The following MISP variants were observed in gnomAD, a reference collection of about 807,000 sequenced individuals.
The protein encoded by MISP is mitotic interactor and substrate of PLK1.
Under a neutral mutation model 49.3 loss-of-function variants are expected in MISP, and 51 were observed. The observed-to-expected ratio is 1.03, with a 90% CI of 0.83 to 1.31. The LOEUF (loss-of-function observed/expected upper bound fraction) is 1.31, where lower values mean the gene tolerates loss of function less well. Among genes scored for constraint, MISP ranks in the 50% most tolerant of loss-of-function variants. The pLI, the probability that MISP is intolerant of heterozygous loss-of-function variation, is 0.00. For missense variants in MISP, 1,084 were observed against 935.1 expected (o/e 1.16, Z -2.08); for synonymous variants, 444 against 392.6 (o/e 1.13, Z -1.55).
Position 758,302 on chromosome 19 carries a change from A to G in MISP, c.1356A>G (p.Thr452=). 2.5e-6 allele frequency: 4 copies of G among 1,614,042 alleles called. No homozygotes were observed. The highest frequency in any genetic ancestry group is 1.1e-5 in the South Asian group (1 of 91,088). ...TCGGCAAGCCCAGCAGTCTCTCCAC[A>G]GCGGAGGCCAAGGCTGCGACTTCAC... The part of the protein sequence containing the change: ...GAFGKPSSLS[T]AEAKAATSPK... Residue 452 remains threonine, a synonymous_variant, in exon 2 of 5, where the codon ACA becomes ACG. Transcript: ENST00000215582.
At chr19:759,863 G>A (rs773265063) in intron 2 of MISP, 46 bp from the exon 3 acceptor site, 13 of 1,610,296 alleles carry the variant, frequency 8.1e-6, no homozygotes, top group South Asian at 1.1e-5. Flanking sequence ...CCCGAGCAGA[G>A]GTCTGACAAA....
Position 757,084 on chromosome 19 carries a change from T to G in MISP, c.138T>G (p.Asp46Glu). The change falls in exon 2 of 5, where the codon GAT becomes GAG. Residue 46 changes from aspartate (D) to glutamate (E), a missense_variant. Transcript: ENST00000215582. ...CCGAGGCCAGCGGCTGGGGCCAGGATGAGCCGCAGACATGGCCCACTGACC... is the reference window on the plus strand; with the variant it reads ...CCGAGGCCAGCGGCTGGGGCCAGGAGGAGCCGCAGACATGGCCCACTGACC... Reference protein sequence around the residue: ...MGPEASGWGQDEPQTWPTDHR... With the variant: ...MGPEASGWGQEEPQTWPTDHR... 1.9e-6 allele frequency: 3 copies of G among 1,612,796 alleles called. No homozygotes were observed. The highest frequency in any genetic ancestry group is 2.5e-6 in the Non-Finnish European group (3 of 1,179,726).
chr19:748,694 TG>T (rs1194148077), upstream of MISP, among the ~76,000 whole-genome samples: 2 of 152,168 alleles, frequency 1.3e-5, no homozygotes, highest in Admixed American at 1.3e-4. Context: ...AGCCGGCCCC[TG>T]GGAAATACAC....
upstream of MISP, among the ~76,000 whole-genome samples, chr19:749,552 C>T (rs1008264044): frequency 3.9e-5 from 6 of 152,200 alleles, no homozygotes; most frequent in African/African-American, 1.4e-4. Context: ...CCATCTTGGC[C>T]AGGCGCCGTG....
chr19:756,894 C>T lies in MISP; in HGVS notation c.-53C>T. The T allele has an allele frequency of 1.4e-6, 2 of 1,419,492 alleles. No individual in the cohort carries two copies. The highest frequency in any genetic ancestry group is 1.9e-6 in the Non-Finnish European group (2 of 1,063,072). 87.9% of individuals were successfully genotyped at this position (1,419,492 alleles called of 1,614,324 possible). A position where few individuals can be genotyped will look rare whatever the true frequency, so the allele number is the denominator to read the frequency against. On this transcript the variant is annotated 5_prime_UTR_variant, in exon 2 of 5. Coordinates refer to ENST00000215582, the MANE Select transcript of MISP (RefSeq NM_173481.4). ...CATTTCCTTCTCCTCCCTCAGTAAG[C>T]CCAGAGGTCTCCACCCCACGGGAGG...
intron 1 of MISP, among the ~76,000 whole-genome samples, chr19:754,920 G>A (rs1338748294): frequency 6.7e-6 from 1 of 148,364 alleles, no homozygotes; most frequent in Admixed American, 6.7e-5. Flanking sequence ...TGGAAGAGGA[G>A]GGTCTGGTTT....
rs369932434 is a variant in MISP, at chr19:757,898, G to A, written c.952G>A (p.Asp318Asn). ...GCAGAGGGGGCTTCGGCAGGCAACC[G>A]ACCACCAGGAGCTGGTGGAAATCCC... Reference protein sequence around the residue: ...REQRGLRQATDHQELVEIPTR... With the variant: ...REQRGLRQATNHQELVEIPTR... Residue 318 changes from aspartate (D) to asparagine (N), a missense_variant, in exon 2 of 5, where the codon GAC (aspartate) becomes AAC (asparagine). By Grantham distance (23) the Asp-to-Asn change is conservative. Coordinates refer to ENST00000215582, the MANE Select transcript of MISP (RefSeq NM_173481.4). 3.9e-4 allele frequency: 629 copies of A among 1,604,520 alleles called. 7 individuals are homozygous for A. The South Asian group carries it at 6.5e-3, about 16-fold the overall frequency.
chr19:755,684 C>A (rs1429570494), intron 1 of MISP, among the ~76,000 whole-genome samples: 1 of 152,130 alleles, frequency 6.6e-6, no homozygotes, highest in Non-Finnish European at 1.5e-5. Flanking sequence ...GTAATTCCAG[C>A]ACTTTGGGAG....
chr19:761,401 G>A (rs1487429676), intron 3 of MISP, among the ~76,000 whole-genome samples: 2 of 151,996 alleles, frequency 1.3e-5, no homozygotes, highest in African/African-American at 4.8e-5. Context: ...AATAAATCAT[G>A]AATGTTGGAC....
At position 758,504 on chromosome 19, in the gene MISP, G is replaced by A. The variant is rs995091068; in HGVS notation, c.1558G>A (p.Ala520Thr). The change falls in exon 2 of 5, where the codon GCC becomes ACC. Residue 520 changes from alanine (A) to threonine (T), a missense_variant. By Grantham distance (58) the Ala-to-Thr change is moderately conservative (BLOSUM62 0). Transcript: ENST00000215582. ...RFRAPDEPQQ[A>T]QVPHVWGWEV... ...CAGGGCCCCAGACGAGCCCCAGCAG[G>A]CCCAAGTCCCCCATGTCTGGGGCTG... The A allele has an allele frequency of 1.9e-6, 3 of 1,614,000 alleles. No homozygotes were observed. Among genetic ancestry groups the A allele is most frequent in the South Asian group, 2.2e-5 (2 of 91,086 alleles).
upstream of MISP, among the ~76,000 whole-genome samples, chr19:750,420 G>A (rs574833801): frequency 4.2e-4 from 64 of 152,000 alleles, no homozygotes; most frequent in African/African-American, 1.4e-3. Flanking sequence ...GGCTGGTCTC[G>A]AACTCCTGGC....
Position 758,381 on chromosome 19 carries a change from A to G in MISP, c.1435A>G (p.Ser479Gly). The G allele has an allele frequency of 6.2e-7, 1 of 1,614,198 alleles. No homozygotes were observed. Among genetic ancestry groups the G allele is most frequent in the Non-Finnish European group, 8.5e-7 (1 of 1,180,024 alleles). Reference protein sequence around the residue: ...HLSESSGKPLSTKQEASKPPR... With the variant: ...HLSESSGKPLGTKQEASKPPR... Reference sequence around the variant, plus strand: ...CTCAGAATCCTCTGGAAAACCCCTGAGCACAAAGCAAGAGGCATCGAAGCC... The same window carrying G: ...CTCAGAATCCTCTGGAAAACCCCTGGGCACAAAGCAAGAGGCATCGAAGCC... Residue 479 changes from serine (S) to glycine (G), a missense_variant, in exon 2 of 5, where the codon AGC becomes GGC. Coordinates refer to ENST00000215582, the MANE Select transcript of MISP (RefSeq NM_173481.4).
chr19:761,996 G>A (rs1270938731), intron 4 of MISP, among the ~76,000 whole-genome samples: 1 of 152,054 alleles, frequency 6.6e-6, no homozygotes, highest in East Asian at 1.9e-4. Context: ...CGCCCAGGCT[G>A]GAGTGCAGTG....
chr19:750,953 G>A (rs1010544110), upstream of MISP, among the ~76,000 whole-genome samples: 2 of 152,104 alleles, frequency 1.3e-5, no homozygotes, highest in African/African-American at 2.4e-5. Flanking sequence ...CGGGCACGGT[G>A]CCCGCCCTTG....
intron 1 of MISP, among the ~76,000 whole-genome samples, chr19:752,799 G>C (rs2033480498): frequency 6.6e-6 from 1 of 151,824 alleles, no homozygotes. Flanking sequence ...GTAAACGTCT[G>C]TCCACTCACT....
chr19:750,152 G>C (rs199700715), upstream of MISP, among the ~76,000 whole-genome samples: 1 of 151,164 alleles, frequency 6.6e-6, no homozygotes, highest in Non-Finnish European at 1.5e-5. Context: ...CCCATCTCTC[G>C]GGGTGGCCTG....
intron 3 of MISP, 103 bp downstream of exon 3, chr19:760,142 G>A: frequency 1.5e-6 from 2 of 1,374,300 alleles, no homozygotes; most frequent in Non-Finnish European, 2.0e-6. Context: ...CTGGGTTCAA[G>A]CACTACCCCC....
rs575392033 is a variant in MISP, at chr19:753,547, G to A, written c.-58+2376G>A. Reference sequence around the variant, plus strand: ...ACTACAGGCGCCCGCCAGCACACCCGGTTAATTTTTTTTGTATTTTTAGTA... The same window carrying A: ...ACTACAGGCGCCCGCCAGCACACCCAGTTAATTTTTTTTGTATTTTTAGTA... On this transcript the variant is annotated intron_variant, in intron 1 of 4. Transcript: ENST00000215582. 7.3e-5 allele frequency among the ~76,000 whole-genome samples: 11 copies of A among 151,304 alleles called. No homozygotes were observed. The South Asian group carries it at 1.5e-3, about 20-fold the overall frequency.
Position 757,784 on chromosome 19 carries a change from G to A in MISP, c.838G>A (p.Ala280Thr). The A allele has an allele frequency of 4.3e-6, 7 of 1,612,814 alleles. No individual in the cohort carries two copies. Among genetic ancestry groups the A allele is most frequent in the Non-Finnish European group, 5.9e-6 (7 of 1,179,306 alleles). The part of the protein sequence containing the change: ...VQVVDDPGSL[A>T]SVESPGTPKE... ...AGTTGTGGATGACCCTGGCTCCTTG[G>A]CCTCAGTGGAGTCCCCGGGGACCCC... Residue 280 changes from alanine to threonine, a missense_variant, in exon 2 of 5, where the codon GCC (alanine) becomes ACC (threonine). By Grantham distance (58) the Ala-to-Thr change is moderately conservative. Coordinates refer to ENST00000215582, the MANE Select transcript of MISP (RefSeq NM_173481.4).
Sources: gnomAD v4.1 joint callset for allele counts (sites outside exome capture counted in the v4.1 genomes callset) on GRCh38, gnomAD v4.1.1 for gene constraint, MANE v1.5 for transcripts, NCBI Gene and HGNC (gene_info 2026-07-23, HGNC 2026-07-21) for gene names.